ACTR3C: variants seen among roughly 807,000 people sequenced by gnomAD.
ACTR3C encodes the protein actin-related protein 3C.
In ACTR3C, 18 loss-of-function variants were observed where a neutral mutation model predicts 26.3. The ratio of observed to expected loss-of-function variants is 0.68; its 90% CI spans 0.47 to 1.01. The LOEUF (loss-of-function observed/expected upper bound fraction) is 1.01. ACTR3C is among the 50% of genes least tolerant of loss of function. The pLI is 0.00. For missense variants in ACTR3C, 184 were observed against 250.7 expected (o/e 0.73, Z 1.80); for synonymous variants, 55 against 94.5 (o/e 0.58, Z 2.42).
the ACTR3C span, among the ~76,000 whole-genome samples, chr7:150,121,085 C>G: frequency 6.6e-6 from 1 of 152,118 alleles, no homozygotes. Flanking sequence ...GGACGTATCT[C>G]AAAATAATAA....
the ACTR3C span, among the ~76,000 whole-genome samples, chr7:149,901,160 A>G: frequency 6.7e-6 from 1 of 148,740 alleles, no homozygotes; most frequent in Non-Finnish European, 1.5e-5. Flanking sequence ...AAAATTATAG[A>G]GATGAAAACA....
intron 1 of ACTR3C, among the ~76,000 whole-genome samples, chr7:150,316,178 CAA>C (rs1292324460): frequency 6.6e-6 from 1 of 152,178 alleles, no homozygotes; most frequent in Non-Finnish European, 1.5e-5. Context: ...GCCTGGGCAA[CAA>C]GAGTGAAACT....
the ACTR3C span, among the ~76,000 whole-genome samples, chr7:149,999,586 G>A: frequency 2.0e-5 from 3 of 151,316 alleles, no homozygotes; most frequent in South Asian, 2.1e-4. Context: ...CTGAGTGGCC[G>A]CCTGACTGTG....
the ACTR3C span, among the ~76,000 whole-genome samples, chr7:150,123,614 A>ACACACACACAC: frequency 1.2e-5 from 1 of 85,526 alleles, no homozygotes; most frequent in Non-Finnish European, 2.8e-5. Flanking sequence ...CACACACACA[A>ACACACACACAC]ACACACACCC....
chr7:149,946,870 C>T, the ACTR3C span, among the ~76,000 whole-genome samples: 56 of 152,188 alleles, frequency 3.7e-4, 1 homozygote, highest in African/African-American at 9.6e-4. Context: ...GGAAAGAAAC[C>T]GCATTGGTTC....
chr7:149,918,224 T>C, the ACTR3C span, among the ~76,000 whole-genome samples: 1 of 152,176 alleles, frequency 6.6e-6, no homozygotes, highest in Non-Finnish European at 1.5e-5. Context: ...CACTGCCCTT[T>C]TGTGAATTCT....
intron 6 of ACTR3C, among the ~76,000 whole-genome samples, chr7:150,277,690 A>C (rs1200391728): frequency 1.3e-5 from 2 of 151,782 alleles, no homozygotes; most frequent in African/African-American, 2.4e-5. Flanking sequence ...AGAACCCTGA[A>C]CCTTTTCCTC....
chr7:149,930,953 C>T, the ACTR3C span, among the ~76,000 whole-genome samples: 1 of 152,218 alleles, frequency 6.6e-6, no homozygotes, highest in African/African-American at 2.4e-5. Context: ...GCAACCTCCG[C>T]CTCCTGGGTT....
At chr7:150,101,299 C>T in the ACTR3C span, among the ~76,000 whole-genome samples, 1 of 151,704 alleles carries the variant, frequency 6.6e-6, no homozygotes, top group Non-Finnish European at 1.5e-5. Context: ...AAACAAGTTT[C>T]ACAGAATAGT....
At chr7:150,127,501 T>A in the ACTR3C span, among the ~76,000 whole-genome samples, 2 of 151,678 alleles carry the variant, frequency 1.3e-5, no homozygotes, top group Admixed American at 6.6e-5. Context: ...GAGCGTCTCA[T>A]GCCACACCAC....
chr7:150,209,266 CAGAG>C, the ACTR3C span, among the ~76,000 whole-genome samples: 6 of 134,346 alleles, frequency 4.5e-5, no homozygotes, highest in South Asian at 2.3e-4. Context: ...GAGACAGAAA[CAGAG>C]AGAGAGAGAG....
At chr7:149,922,243 T>C in the ACTR3C span, among the ~76,000 whole-genome samples, 4 of 135,496 alleles carry the variant, frequency 3.0e-5, no homozygotes, top group African/African-American at 1.0e-4. Flanking sequence ...ATTCCAAAGT[T>C]CATTGTGGAG....
At chr7:150,019,606 AATAAT>A in the ACTR3C span, among the ~76,000 whole-genome samples, 2 of 57,566 alleles carry the variant, frequency 3.5e-5, no homozygotes, top group Admixed American at 3.5e-4. Flanking sequence ...TAAAAATAAT[AATAAT>A]AATAATAATA....
At chr7:150,224,994 C>T in the ACTR3C span, among the ~76,000 whole-genome samples, 1 of 147,176 alleles carries the variant, frequency 6.8e-6, no homozygotes, top group East Asian at 2.0e-4. Flanking sequence ...CCTTTGGCCA[C>T]ACCCCCATTA....
the ACTR3C span, among the ~76,000 whole-genome samples, chr7:150,176,270 A>T: frequency 7.7e-3 from 1,168 of 150,862 alleles, 108 homozygotes; most frequent in African/African-American, 0.028. Context: ...CAATTTCTTG[A>T]GGCCTTTTTT....
At chr7:150,184,903 T>G in the ACTR3C span, among the ~76,000 whole-genome samples, 14 of 149,130 alleles carry the variant, frequency 9.4e-5, 1 homozygote, top group Non-Finnish European at 1.5e-4. Flanking sequence ...ACGGTTCGCT[T>G]CCTTCATGGG....
the ACTR3C span, among the ~76,000 whole-genome samples, chr7:150,169,225 CAA>C: frequency 8.7e-5 from 13 of 149,578 alleles, no homozygotes; most frequent in South Asian, 4.2e-4. Flanking sequence ...ACCAAAAATA[CAA>C]AAAAAGTTAG....
chr7:150,281,351 C>A (rs1202377937), intron 6 of ACTR3C, among the ~76,000 whole-genome samples: 1 of 151,038 alleles, frequency 6.6e-6, no homozygotes, highest in Non-Finnish European at 1.5e-5. Flanking sequence ...CACTTGCTAA[C>A]ACAGACGATT....
At chr7:150,183,639 A>G in the ACTR3C span, among the ~76,000 whole-genome samples, 6 of 146,432 alleles carry the variant, frequency 4.1e-5, no homozygotes, top group African/African-American at 1.6e-4. Flanking sequence ...TTCAACTTCC[A>G]TATCTTTACA....
Sources: gnomAD v4.1 joint callset for allele counts (sites outside exome capture counted in the v4.1 genomes callset) on GRCh38, gnomAD v4.1.1 for gene constraint, MANE v1.5 for transcripts, NCBI Gene and HGNC (gene_info 2026-07-23, HGNC 2026-07-21) for gene names.